Variants in EHBP1 observed in about 807,000 individuals in gnomAD.
EHBP1 encodes the protein EH domain binding protein 1, also known as EH domain-binding protein 1.
In EHBP1, 55 loss-of-function variants were observed where a neutral mutation model predicts 144.0. The ratio of observed to expected loss-of-function variants is 0.38; its 90% CI spans 0.31 to 0.48. The LOEUF is 0.48. Ranked by LOEUF, EHBP1 falls within the 20% of genes least tolerant of loss-of-function variation. EHBP1 has a pLI of 0.98. For synonymous variants in EHBP1, 469 were observed against 472.7 expected, an observed-to-expected ratio of 0.99 and a Z score of 0.10; for missense variants, 1,200 against 1,364.2, an observed-to-expected ratio of 0.88 and a Z score of 1.90.
intron 5 of EHBP1, among the ~76,000 whole-genome samples, chr2:62,806,653 C>T (rs1160625244): frequency 6.6e-6 from 1 of 152,130 alleles, no homozygotes; most frequent in East Asian, 1.9e-4. Context: ...TGAGCCACCA[C>T]ACTTGGCTTA....
intron 19 of EHBP1, among the ~76,000 whole-genome samples, chr2:62,999,315 G>GT (rs1015435064): frequency 2.6e-5 from 4 of 151,648 alleles, no homozygotes; most frequent in Admixed American, 6.6e-5. Flanking sequence ...CTATATTCAG[G>GT]TTTTTTTTGC....
intron 2 of EHBP1, among the ~76,000 whole-genome samples, chr2:62,729,426 T>A (rs2037206629): frequency 1.1e-5 from 1 of 89,170 alleles, no homozygotes. Context: ...AATAATATAA[T>A]ATAATAATAA....
intron 7 of EHBP1, 117 bp from the exon 8 acceptor site, chr2:62,859,052 A>G (rs1168025374): frequency 8.3e-6 from 8 of 959,962 alleles, no homozygotes; most frequent in African/African-American, 6.6e-5. Context: ...GTAAAATGCT[A>G]TATACTATTA....
chr2:62,780,596 A>G (rs1332167542), intron 5 of EHBP1, among the ~76,000 whole-genome samples: 1 of 152,158 alleles, frequency 6.6e-6, no homozygotes, highest in African/African-American at 2.4e-5. Context: ...TTTAACTTTA[A>G]ATAAAATAAT....
intron 19 of EHBP1, among the ~76,000 whole-genome samples, chr2:63,029,831 C>A (rs575284113): frequency 6.6e-6 from 1 of 152,108 alleles, no homozygotes; most frequent in Non-Finnish European, 1.5e-5. Context: ...CAGATTCAAG[C>A]GATTCTTCTG....
chr2:62,982,389 A>G (rs991976660), intron 15 of EHBP1, among the ~76,000 whole-genome samples: 4 of 152,186 alleles, frequency 2.6e-5, no homozygotes, highest in African/African-American at 7.2e-5. Flanking sequence ...TACCTTCAAA[A>G]GACAGTAGGC....
chr2:62,931,141 A>G (rs928570700), intron 10 of EHBP1, among the ~76,000 whole-genome samples: 3 of 152,240 alleles, frequency 2.0e-5, no homozygotes, highest in African/African-American at 7.2e-5. Flanking sequence ...GAAGGGATTT[A>G]TATCCAGCAT....
At chr2:62,730,113 T>C (rs1372902574) in intron 2 of EHBP1, among the ~76,000 whole-genome samples, 1 of 152,186 alleles carries the variant, frequency 6.6e-6, no homozygotes, top group African/African-American at 2.4e-5. Flanking sequence ...TAATAGACTT[T>C]ATGGTTTTGA....
rs189209444 is a variant in EHBP1, at chr2:62,705,742, G to A, written c.-606G>A. 6.6e-6 allele frequency: 1 copy of A among 151,726 alleles called. No homozygotes were observed. Among genetic ancestry groups the A allele is most frequent in the Non-Finnish European group, 1.5e-5 (1 of 68,198 alleles). The allele number at this position is 151,726 out of a possible 1,614,324, so 9.4% of individuals were successfully genotyped here. A position where few individuals can be genotyped will look rare whatever the true frequency, so the allele number is the denominator to read the frequency against. ...TGAGAGGTGCGGCGGGGGAGGTAAT[G>A]ATGATGGTGGCGGAGGAGAAAGGCG... On this transcript the variant is annotated 5_prime_UTR_variant, in exon 1 of 23. An upstream start codon of the reference 5' UTR is lost. Coordinates refer to ENST00000431489, the MANE Select transcript of EHBP1 (RefSeq NM_001142616.3).
chr2:62,990,981 G>C (rs186383786), intron 16 of EHBP1, 141 bp downstream of exon 16: 2 of 1,065,370 alleles, frequency 1.9e-6, no homozygotes, highest in Non-Finnish European at 2.6e-6. Flanking sequence ...TTACTGGTGA[G>C]GTGTGGTGGC....
At chr2:62,983,463 GTTA>G (rs1187160594) in intron 15 of EHBP1, among the ~76,000 whole-genome samples, 4 of 152,020 alleles carry the variant, frequency 2.6e-5, no homozygotes, top group African/African-American at 7.2e-5. Context: ...TACATATTTT[GTTA>G]TTATTTATTC....
At chr2:62,812,442 A>G (rs917451966) in intron 5 of EHBP1, among the ~76,000 whole-genome samples, 44 of 152,208 alleles carry the variant, frequency 2.9e-4, no homozygotes, top group African/African-American at 1.0e-3. Context: ...ATTCCTATGA[A>G]TAGAGCATTG....
chr2:62,861,519 G>A (rs1281780803), intron 8 of EHBP1, among the ~76,000 whole-genome samples: 3 of 151,544 alleles, frequency 2.0e-5, no homozygotes, highest in Non-Finnish European at 4.4e-5. Flanking sequence ...CAAGGCAGGT[G>A]GATCGCTTGA....
At chr2:62,798,606 G>A (rs1420246272) in intron 5 of EHBP1, among the ~76,000 whole-genome samples, 1 of 152,090 alleles carries the variant, frequency 6.6e-6, no homozygotes, top group East Asian at 1.9e-4. Context: ...TAGAATTTTT[G>A]TGCATTAACA....
intron 5 of EHBP1, among the ~76,000 whole-genome samples, chr2:62,778,056 A>T (rs1444427561): frequency 6.6e-6 from 1 of 152,162 alleles, no homozygotes; most frequent in Non-Finnish European, 1.5e-5. Context: ...TCAGTGGGGT[A>T]TCAAAATGTG....
intron 1 of EHBP1, among the ~76,000 whole-genome samples, chr2:62,676,563 G>C (rs568524181): frequency 6.6e-6 from 1 of 152,322 alleles, no homozygotes; most frequent in East Asian, 1.9e-4. Flanking sequence ...CACCAGCCAT[G>C]ATCCTGCGGG....
At chr2:62,682,577 A>G (rs2033568281) in intron 1 of EHBP1, among the ~76,000 whole-genome samples, 2 of 152,232 alleles carry the variant, frequency 1.3e-5, no homozygotes, top group South Asian at 4.1e-4. Context: ...TATTTTGCAG[A>G]TAGCATGTGA....
At position 62,742,077 on chromosome 2, in the gene EHBP1, C is replaced by A. The variant is rs557432248; in HGVS notation, c.105-5318C>A. ...CTACAGTATTCAATACAGTAACATG[C>A]TGTACAGGTTTCTAGCCTAGGAGTG... On this transcript the variant is annotated intron_variant, in intron 2 of 22. Coordinates refer to ENST00000431489, the MANE Select transcript of EHBP1 (RefSeq NM_001142616.3). Among the ~76,000 whole-genome samples, 7 of 152,236 alleles carry A rather than the reference C, an allele frequency of 4.6e-5. No individual in the cohort carries two copies. In the South Asian group the frequency reaches 1.5e-3, roughly 32 times the overall value.
chr2:62,706,919 A>C lies in EHBP1; in HGVS notation c.-273A>C. 2.8e-6 allele frequency: 1 copy of C among 356,914 alleles called. No individual in the cohort carries two copies. The highest frequency in any genetic ancestry group is 4.0e-5 in the South Asian group (1 of 24,758). The allele number at this position is 356,914 out of a possible 1,614,324, so 22.1% of individuals were successfully genotyped here. ...CAGCCCTCCAGAATACCCATCATAT[A>C]GCCCCTGAGGTGGCATGGTGATGTC... On this transcript the variant is annotated 5_prime_UTR_variant, in exon 2 of 23. Coordinates refer to ENST00000431489, the MANE Select transcript of EHBP1 (RefSeq NM_001142616.3).
Sources: allele counts gnomAD v4.1 joint callset (sites outside exome capture counted in the v4.1 genomes callset), GRCh38; gene constraint gnomAD v4.1.1; transcripts MANE v1.5; gene names NCBI Gene and HGNC (gene_info 2026-07-23, HGNC 2026-07-21).